The following TYW1B variants were observed in gnomAD, a reference collection of about 807,000 sequenced individuals.
TYW1B encodes S-adenosyl-L-methionine-dependent tRNA 4-demethylwyosine synthase TYW1B.
TYW1B carries 73 observed loss-of-function variants against 86.9 expected under a neutral mutation model. The ratio of observed to expected loss-of-function variants is 0.84; its 90% CI spans 0.70 to 1.02. The LOEUF is 1.02. TYW1B is among the 50% of genes least tolerant of loss of function. The probability of loss-of-function intolerance (pLI) is 0.00; values close to 1 mark genes in which losing one functional copy is unlikely to be tolerated. For synonymous variants in TYW1B, 248 were observed against 292.8 expected, an observed-to-expected ratio of 0.85 and a Z score of 1.56; for missense variants, 637 against 827.4, an observed-to-expected ratio of 0.77 and a Z score of 2.82.
At chr7:72,745,844 G>A (rs1787383449) in intron 7 of TYW1B, among the ~76,000 whole-genome samples, 1 of 99,806 alleles carries the variant, frequency 1.0e-5, no homozygotes, top group South Asian at 4.5e-4. Flanking sequence ...CTTTACACGT[G>A]TATAGGGGTG....
At chr7:72,820,488 T>C (rs1312699974) in intron 2 of TYW1B, among the ~76,000 whole-genome samples, 20 of 152,188 alleles carry the variant, frequency 1.3e-4, no homozygotes, top group Non-Finnish European at 1.5e-5. Context: ...GGTTCACAAT[T>C]CTGATATCTG....
chr7:72,820,653 C>G (rs1293979819), intron 2 of TYW1B, among the ~76,000 whole-genome samples: 1 of 152,066 alleles, frequency 6.6e-6, no homozygotes, highest in African/African-American at 2.4e-5. Context: ...TTCTTACCAA[C>G]AAGCTCTCTT....
chr7:72,685,333 A>G lies in TYW1B; in HGVS notation c.1506+9354T>C, dbSNP rs532409057. 5.9e-4 allele frequency among the ~76,000 whole-genome samples: 90 copies of G among 152,290 alleles called. 1 individual carries two copies. Among genetic ancestry groups the G allele is most frequent in the Non-Finnish European group, 7.9e-4 (54 of 68,018 alleles). ...TAACATACTCAAAACCACAAAAGAA[A>G]AAATGTGGAATACAAAAATAGAAAC... is the stretch of plus-strand genomic sequence containing the variant. On this transcript the variant is annotated intron_variant, in intron 11 of 13. Transcript: ENST00000620995.
intron 8 of TYW1B, among the ~76,000 whole-genome samples, chr7:72,732,472 C>T (rs1293514934): frequency 2.0e-5 from 3 of 152,040 alleles, no homozygotes; most frequent in South Asian, 2.1e-4. Context: ...AACTTTGGAA[C>T]CTATACAAAG....
intron 13 of TYW1B, among the ~76,000 whole-genome samples, chr7:72,583,069 G>A (rs1382190008): frequency 2.0e-5 from 3 of 152,132 alleles, no homozygotes; most frequent in Non-Finnish European, 4.4e-5. Flanking sequence ...ACACAATAAA[G>A]AGATAATAAG....
At chr7:72,627,233 A>T (rs1378187448) in intron 12 of TYW1B, among the ~76,000 whole-genome samples, 1 of 152,062 alleles carries the variant, frequency 6.6e-6, no homozygotes, top group Non-Finnish European at 1.5e-5. Flanking sequence ...GGATCACTCA[A>T]GGTCAGGAGT....
intron 11 of TYW1B, among the ~76,000 whole-genome samples, chr7:72,655,367 C>T (rs1243372523): frequency 6.6e-6 from 1 of 152,158 alleles, no homozygotes; most frequent in Non-Finnish European, 1.5e-5. Flanking sequence ...AGAGAATTCA[C>T]ACTGGGTCCC....
intron 10 of TYW1B, among the ~76,000 whole-genome samples, chr7:72,705,186 A>ATAT (rs1814583405): frequency 6.6e-6 from 1 of 152,206 alleles, no homozygotes. Flanking sequence ...ATTCTGAGCT[A>ATAT]ACTCATACAA....
At chr7:72,716,795 C>T (rs1248428865) in intron 9 of TYW1B, among the ~76,000 whole-genome samples, 1 of 143,694 alleles carries the variant, frequency 7.0e-6, no homozygotes, top group South Asian at 2.3e-4. Context: ...CACACCACCA[C>T]GTCTGGCTAA....
intron 11 of TYW1B, among the ~76,000 whole-genome samples, chr7:72,691,071 T>G (rs1585906014): frequency 6.6e-6 from 1 of 152,218 alleles, no homozygotes; most frequent in Non-Finnish European, 1.5e-5. Context: ...AGTTTTTATA[T>G]GTTTGACCCT....
At chr7:72,584,993 A>G (rs1811242555) in intron 13 of TYW1B, among the ~76,000 whole-genome samples, 1 of 152,238 alleles carries the variant, frequency 6.6e-6, no homozygotes, top group Non-Finnish European at 1.5e-5. Flanking sequence ...ATAATAACCA[A>G]AAAAATAAAA....
At chr7:72,676,786 C>T (rs34634408) in intron 11 of TYW1B, among the ~76,000 whole-genome samples, 2 of 152,086 alleles carry the variant, frequency 1.3e-5, no homozygotes, top group Admixed American at 6.6e-5. Flanking sequence ...TGGGGAAACC[C>T]CATCTCTACT....
At chr7:72,634,968 AT>A (rs1439739890) in intron 11 of TYW1B, among the ~76,000 whole-genome samples, 3 of 152,308 alleles carry the variant, frequency 2.0e-5, no homozygotes, top group African/African-American at 7.2e-5. Context: ...ATCAATAAGA[AT>A]TCCTAACTTT....
intron 11 of TYW1B, among the ~76,000 whole-genome samples, chr7:72,649,285 A>C (rs576834524): frequency 1.3e-5 from 2 of 152,240 alleles, no homozygotes; most frequent in Non-Finnish European, 2.9e-5. Context: ...GAAAGATGCA[A>C]CTATAAAATC....
chr7:72,744,805 C>A (rs1554463368), intron 7 of TYW1B, among the ~76,000 whole-genome samples: 1 of 152,142 alleles, frequency 6.6e-6, no homozygotes, highest in African/African-American at 2.4e-5. Flanking sequence ...ATGAAATAAA[C>A]CTATGATTCA....
intron 11 of TYW1B, among the ~76,000 whole-genome samples, chr7:72,645,076 C>G (rs1392107114): frequency 6.6e-6 from 1 of 152,134 alleles, no homozygotes; most frequent in Non-Finnish European, 1.5e-5. Flanking sequence ...ATCCACCCAC[C>G]TCGGCCTCCC....
At chr7:72,621,247 T>C (rs1812207038) in intron 12 of TYW1B, among the ~76,000 whole-genome samples, 1 of 152,246 alleles carries the variant, frequency 6.6e-6, no homozygotes, top group Non-Finnish European at 1.5e-5. Context: ...ACCATGCTTC[T>C]TGTAGAGCCT....
At chr7:72,788,732 C>T (rs1788170225) in intron 6 of TYW1B, among the ~76,000 whole-genome samples, 1 of 152,066 alleles carries the variant, frequency 6.6e-6, no homozygotes, top group Admixed American at 6.6e-5. Flanking sequence ...GGGGTTTCGC[C>T]ATGTTGGCCA....
At chr7:72,804,375 G>C (rs2129572547) in intron 5 of TYW1B, among the ~76,000 whole-genome samples, 1 of 151,984 alleles carries the variant, frequency 6.6e-6, no homozygotes, top group South Asian at 2.1e-4. Context: ...ATAGCAGAGA[G>C]ATGTCATATA....
Sources: allele counts gnomAD v4.1 joint callset (sites outside exome capture counted in the v4.1 genomes callset), GRCh38; gene constraint gnomAD v4.1.1; transcripts MANE v1.5; gene names NCBI Gene and HGNC (gene_info 2026-07-23, HGNC 2026-07-21).